KCNIP4: variants seen among roughly 807,000 people sequenced by gnomAD.
KCNIP4 encodes potassium voltage-gated channel interacting protein 4.
In KCNIP4, 12 loss-of-function variants were observed where a neutral mutation model predicts 34.0. That is an observed-to-expected ratio of 0.35 (90% CI 0.23 to 0.57). The LOEUF is 0.57. Ranked by LOEUF, KCNIP4 falls within the 20% of genes least tolerant of loss-of-function variation. KCNIP4 has a pLI of 0.83. For synonymous variants in KCNIP4, 124 were observed against 102.2 expected, an observed-to-expected ratio of 1.21 and a Z score of -1.29; for missense variants, 238 against 311.7, an observed-to-expected ratio of 0.76 and a Z score of 1.78.
intron 1 of KCNIP4, among the ~76,000 whole-genome samples, chr4:21,415,813 C>A (rs955861439): frequency 6.6e-6 from 1 of 152,004 alleles, no homozygotes; most frequent in Non-Finnish European, 1.5e-5. Context: ...AAACAAAGAC[C>A]CTGGATGGAG....
intron 3 of KCNIP4, among the ~76,000 whole-genome samples, chr4:20,759,157 A>G (rs1336753648): frequency 6.6e-6 from 1 of 152,216 alleles, no homozygotes; most frequent in Non-Finnish European, 1.5e-5. Flanking sequence ...TGCTTTTAAG[A>G]ACACATATGT....
Position 21,687,301 on chromosome 4 carries a change from C to T in KCNIP4, c.61+261270G>A, listed in dbSNP as rs1750882754. 2.0e-5 allele frequency among the ~76,000 whole-genome samples: 3 copies of T among 148,018 alleles called. No individual in the cohort carries two copies. In the Admixed American group the frequency reaches 2.0e-4, roughly 10 times the overall value. ...AACCTGCACAATGTGCACATATACC[C>T]TAAAACTTAAAGTATAAAAAAAAAA... On this transcript the variant is annotated intron_variant, in intron 1 of 8. Coordinates refer to ENST00000382152, the MANE Select transcript of KCNIP4 (RefSeq NM_025221.6).
At chr4:21,820,318 T>C (rs946547943) in intron 1 of KCNIP4, among the ~76,000 whole-genome samples, 11 of 116,812 alleles carry the variant, frequency 9.4e-5, no homozygotes, top group South Asian at 2.8e-4. Context: ...TATATATATA[T>C]ATATATACAT....
chr4:21,859,520 C>A (rs563292731), intron 1 of KCNIP4, among the ~76,000 whole-genome samples: 42 of 151,412 alleles, frequency 2.8e-4, no homozygotes, highest in Admixed American at 5.9e-4. Flanking sequence ...CCCAGCTATT[C>A]GGGAGGCTGA....
At chr4:21,492,458 A>C (rs1219701023) in intron 1 of KCNIP4, among the ~76,000 whole-genome samples, 8 of 152,112 alleles carry the variant, frequency 5.3e-5, no homozygotes, top group African/African-American at 1.9e-4. Context: ...TCCTGGCCTC[A>C]AGTGATCCTC....
chr4:20,956,866 G>T (rs1733363401), intron 1 of KCNIP4, among the ~76,000 whole-genome samples: 1 of 152,114 alleles, frequency 6.6e-6, no homozygotes, highest in South Asian at 2.1e-4. Flanking sequence ...AAAAGAACAT[G>T]TATCAGAAGT....
chr4:20,975,990 G>A (rs1735455049), intron 1 of KCNIP4, among the ~76,000 whole-genome samples: 1 of 152,162 alleles, frequency 6.6e-6, no homozygotes, highest in African/African-American at 2.4e-5. Context: ...CAACAGAGTT[G>A]AGGAGTTGTG....
chr4:21,087,539 C>T (rs571131001), intron 1 of KCNIP4, among the ~76,000 whole-genome samples: 5 of 152,194 alleles, frequency 3.3e-5, no homozygotes, highest in East Asian at 1.9e-4. Context: ...CCACCTGCCT[C>T]GGCCTCCCAA....
At chr4:21,449,706 C>T (rs1324629129) in intron 1 of KCNIP4, among the ~76,000 whole-genome samples, 3 of 151,766 alleles carry the variant, frequency 2.0e-5, no homozygotes, top group South Asian at 2.1e-4. Flanking sequence ...GCAATATAAA[C>T]TCCATAAGTG....
At chr4:20,781,482 G>A (rs1340541392) in intron 3 of KCNIP4, among the ~76,000 whole-genome samples, 1 of 152,152 alleles carries the variant, frequency 6.6e-6, no homozygotes, top group Non-Finnish European at 1.5e-5. Context: ...AGGTTTAATT[G>A]GACGTACAGT....
intron 1 of KCNIP4, among the ~76,000 whole-genome samples, chr4:21,365,780 G>T (rs1335536013): frequency 9.2e-5 from 14 of 152,150 alleles, no homozygotes; most frequent in Admixed American, 9.2e-4. Context: ...TGAAGCCTGA[G>T]ATCAGGATGA....
intron 1 of KCNIP4, among the ~76,000 whole-genome samples, chr4:21,398,649 A>G (rs968574039): frequency 7.2e-5 from 11 of 152,230 alleles, no homozygotes; most frequent in African/African-American, 2.2e-4. Context: ...AACTACCCAG[A>G]GTGAATAGTT....
At chr4:21,664,516 T>G (rs1034907188) in intron 1 of KCNIP4, among the ~76,000 whole-genome samples, 2 of 152,132 alleles carry the variant, frequency 1.3e-5, no homozygotes, top group African/African-American at 4.8e-5. Flanking sequence ...AAGTTGGAAA[T>G]GGCTTATGGT....
intron 1 of KCNIP4, among the ~76,000 whole-genome samples, chr4:21,924,546 T>C (rs942510490): frequency 2.6e-5 from 4 of 151,986 alleles, no homozygotes; most frequent in African/African-American, 9.7e-5. Context: ...GCCTGGACAA[T>C]ATATTTCTAT....
chr4:20,985,509 G>A (rs1485444229), intron 1 of KCNIP4, among the ~76,000 whole-genome samples: 1 of 152,082 alleles, frequency 6.6e-6, no homozygotes, highest in Admixed American at 6.5e-5. Flanking sequence ...GAGGTTAACT[G>A]ACTTGCCAAG....
intron 1 of KCNIP4, among the ~76,000 whole-genome samples, chr4:21,044,000 C>G (rs1560672446): frequency 2.0e-5 from 3 of 152,076 alleles, no homozygotes; most frequent in Admixed American, 1.3e-4. Context: ...GGATTACAGC[C>G]CATGTCATAA....
intron 1 of KCNIP4, among the ~76,000 whole-genome samples, chr4:21,133,552 T>C (rs1203936714): frequency 2.6e-5 from 4 of 152,184 alleles, no homozygotes; most frequent in African/African-American, 9.6e-5. Flanking sequence ...GTTAGGCAAT[T>C]CAACTATCAT....
chr4:21,253,327 C>A (rs1760848337), intron 1 of KCNIP4, among the ~76,000 whole-genome samples: 1 of 152,126 alleles, frequency 6.6e-6, no homozygotes. Flanking sequence ...CCCCCTACTT[C>A]TATCTTTAGG....
At chr4:21,546,240 A>C (rs59768023) in intron 1 of KCNIP4, among the ~76,000 whole-genome samples, 55,159 of 151,916 alleles carry the variant, frequency 0.36, 10,283 homozygotes, top group South Asian at 0.52. Flanking sequence ...TCTACCCACA[A>C]TTATTTTGCA....
Sources: gnomAD v4.1 joint callset for allele counts (sites outside exome capture counted in the v4.1 genomes callset) on GRCh38, gnomAD v4.1.1 for gene constraint, MANE v1.5 for transcripts, NCBI Gene and HGNC (gene_info 2026-07-23, HGNC 2026-07-21) for gene names.